The following GARS1 variants were observed in gnomAD, a reference collection of about 807,000 sequenced individuals.
GARS1 encodes the protein glycine--tRNA ligase.
Under a neutral mutation model 86.4 loss-of-function variants are expected in GARS1, and 46 were observed. That is an observed-to-expected ratio of 0.53 (90% CI 0.42 to 0.68). GARS1 has a LOEUF of 0.68. Among genes scored for constraint, GARS1 ranks in the 30% least tolerant of loss-of-function variants. The pLI is 0.00. For missense variants in GARS1, 797 were observed against 915.6 expected, an observed-to-expected ratio of 0.87 and a Z score of 1.67; for synonymous variants, 342 against 329.8, an observed-to-expected ratio of 1.04 and a Z score of -0.40.
rs199594319 is a variant in GARS1 at position 30,624,834 on chromosome 7, TC to T, written c.1614-1399del. 5.1e-3 allele frequency among the ~76,000 whole-genome samples: 783 copies of T among 152,326 alleles called. 5 individuals carry two copies. Among genetic ancestry groups the T allele is most frequent in the Admixed American group, 7.9e-3 (121 of 15,304 alleles). ...AACATCTATTTATACTAAAACAATATCAAATCCCATTAAAATGGACTAAGTT... is the reference window on the plus strand; with the variant it reads ...AACATCTATTTATACTAAAACAATATAAATCCCATTAAAATGGACTAAGTT... On this transcript the variant is annotated intron_variant, in intron 12 of 16. Transcript: ENST00000389266.
chr7:30,600,391 A>C (rs557120678), intron 3 of GARS1, among the ~76,000 whole-genome samples: 1 of 152,212 alleles, frequency 6.6e-6, no homozygotes, highest in African/African-American at 2.4e-5. Context: ...TAACTATACT[A>C]TGCCCCTTCA....
At chr7:30,618,260 T>C (rs1782929741) in intron 10 of GARS1, among the ~76,000 whole-genome samples, 1 of 152,172 alleles carries the variant, frequency 6.6e-6, no homozygotes, top group Admixed American at 6.5e-5. Context: ...AAGGACCAGA[T>C]GGTAAATATT....
At chr7:30,608,512 C>T (rs901705597) in intron 6 of GARS1, among the ~76,000 whole-genome samples, 3 of 152,072 alleles carry the variant, frequency 2.0e-5, no homozygotes, top group Non-Finnish European at 4.4e-5. Flanking sequence ...TTTGTGGATT[C>T]CTCCTAGAAA....
Position 30,621,424 on chromosome 7 carries a change from G to A in GARS1, c.1391G>A (p.Arg464His), listed in dbSNP as rs1391219026. 1.2e-6 allele frequency: 2 copies of A among 1,614,014 alleles called. No individual in the cohort carries two copies. Among genetic ancestry groups the A allele is most frequent in the South Asian group, 1.1e-5 (1 of 91,066 alleles). Reference protein sequence around the residue: ...GWIEIVGCADRSCYDLSCHAR... With the variant: ...GWIEIVGCADHSCYDLSCHAR... ...ATTGAGATTGTTGGATGTGCTGATC[G>A]TTCCTGTTATGACCTCTCCTGTCAT... The change falls in exon 11 of 17, where the codon CGT (arginine) becomes CAT (histidine). Residue 464 changes from arginine to histidine, a missense_variant. Transcript: ENST00000389266.
At position 30,599,936 on chromosome 7, in the gene GARS1, ATCTC is replaced by A; in HGVS notation, c.325-9_325-6del. 6.3e-7 allele frequency: 1 copy of A among 1,597,874 alleles called. No homozygotes were observed. Among genetic ancestry groups the A allele is most frequent in the Non-Finnish European group, 8.6e-7 (1 of 1,166,032 alleles). Reference sequence around the variant, plus strand: ...CCTCCACTCACTCACTTTTTATTTAATCTCTAACAGGAGCTGGCGTTACAGCCCA... The same window carrying A: ...CCTCCACTCACTCACTTTTTATTTAATAACAGGAGCTGGCGTTACAGCCCA... On this transcript the variant is annotated splice_polypyrimidine_tract_variant and splice_region_variant and intron_variant, in intron 2 of 16. Coordinates refer to ENST00000389266, the MANE Select transcript of GARS1 (RefSeq NM_002047.4).
intron 12 of GARS1, among the ~76,000 whole-genome samples, chr7:30,625,206 AG>A (rs1247809619): frequency 1.3e-5 from 2 of 152,192 alleles, no homozygotes; most frequent in Non-Finnish European, 2.9e-5. Flanking sequence ...GACCTCCCAA[AG>A]TGCTGGGATT....
rs770924455 is a variant in GARS1, at chr7:30,617,153, C to T, written c.1234C>T (p.Arg412Cys). ...CACAGTATTAGGCTATTTCATTGGC[C>T]GCATCTACCTCTACCTCACGAAGGT... The part of the protein sequence containing the change: ...NNTVLGYFIG[R>C]IYLYLTKVGI... The change falls in exon 10 of 17, where the codon CGC (arginine) becomes TGC (cysteine). Residue 412 changes from arginine (R) to cysteine (C), a missense_variant. By Grantham distance (180) the Arg-to-Cys change is radical. Coordinates refer to ENST00000389266, the MANE Select transcript of GARS1 (RefSeq NM_002047.4). 115 of 1,613,880 alleles carry T rather than the reference C, an allele frequency of 7.1e-5. No homozygotes were observed. The highest frequency in any genetic ancestry group is 9.2e-5 in the Non-Finnish European group (109 of 1,179,962).
chr7:30,603,353 C>T (rs1261190233), intron 5 of GARS1, 143 bp from the exon 6 acceptor site: 7 of 753,846 alleles, frequency 9.3e-6, no homozygotes, highest in African/African-American at 1.7e-5. Context: ...AATACCATGA[C>T]TGCTGTTGTA....
chr7:30,620,744 A>T (rs1353465454), intron 10 of GARS1, among the ~76,000 whole-genome samples: 2 of 152,194 alleles, frequency 1.3e-5, no homozygotes, highest in Non-Finnish European at 1.5e-5. Flanking sequence ...TTGTTCAGTG[A>T]AGAAAGTGAA....
rs1202624108 is a variant in GARS1, at chr7:30,595,165, C to T, written c.222+22C>T. On this transcript the variant is annotated intron_variant, in intron 1 of 16. Transcript: ENST00000389266. ...GCAGGTACCGGTGTTTTGCGCTCTC[C>T]GCTAAGCCTCCGGCTCTCCTCCCAG... 2.6e-6 allele frequency: 4 copies of T among 1,530,156 alleles called. No individual in the cohort carries two copies. In the East Asian group the frequency reaches 7.3e-5, roughly 28 times the overall value. The allele number at this position is 1,530,156 out of a possible 1,614,324, so 94.8% of individuals were successfully genotyped here.
intron 10 of GARS1, among the ~76,000 whole-genome samples, chr7:30,619,132 G>C (rs1478693547): frequency 6.6e-6 from 1 of 152,204 alleles, no homozygotes; most frequent in East Asian, 1.9e-4. Context: ...CAGCCAGTGA[G>C]TGGTGAGGCT....
At chr7:30,617,986 T>C (rs1782922707) in intron 10 of GARS1, among the ~76,000 whole-genome samples, 2 of 152,230 alleles carry the variant, frequency 1.3e-5, no homozygotes, top group Non-Finnish European at 2.9e-5. Context: ...CTCGCCTACA[T>C]AGAAAGAGAC....
chr7:30,594,848 C>T (rs1791202111), upstream of GARS1: 2 of 1,317,858 alleles, frequency 1.5e-6, no homozygotes, highest in South Asian at 1.3e-5. Flanking sequence ...GCGGCGATTT[C>T]ATCATGCTCC....
At chr7:30,630,041 C>G (rs142564522) in intron 14 of GARS1, among the ~76,000 whole-genome samples, 2 of 152,308 alleles carry the variant, frequency 1.3e-5, no homozygotes, top group Non-Finnish European at 2.9e-5. Context: ...GAATTCCCAT[C>G]ATGAAGAGAA....
intron 6 of GARS1, among the ~76,000 whole-genome samples, chr7:30,604,674 C>G: frequency 6.6e-6 from 1 of 151,890 alleles, no homozygotes; most frequent in African/African-American, 2.4e-5. Context: ...TAATTTTATC[C>G]CTTGCTTGAA....
chr7:30,615,717 T>A (rs1376105080), intron 8 of GARS1, among the ~76,000 whole-genome samples, 179 bp from the exon 9 acceptor site: 1 of 152,166 alleles, frequency 6.6e-6, no homozygotes, highest in Non-Finnish European at 1.5e-5. Flanking sequence ...CCAGACAAAT[T>A]TAATTCAAAA....
chr7:30,604,985 T>G (rs1791454034), intron 6 of GARS1, among the ~76,000 whole-genome samples: 1 of 152,254 alleles, frequency 6.6e-6, no homozygotes, highest in African/African-American at 2.4e-5. Flanking sequence ...TCTCTCTTAT[T>G]TCAGATCTGT....
intron 10 of GARS1, among the ~76,000 whole-genome samples, chr7:30,620,355 CCTTG>C (rs1782979969): frequency 6.6e-6 from 1 of 152,096 alleles, no homozygotes; most frequent in South Asian, 2.1e-4. Context: ...ATCGTCTGAT[CCTTG>C]TGAGGGCCCC....
At position 30,605,917 on chromosome 7, in the gene GARS1, A is replaced by C. The variant is rs183771807; in HGVS notation, c.735+2345A>C. ...TAAAATTTGAATTGGGATCCAGATA[A>C]AGTCTATACTTTGTGATAGGTTGAT... On this transcript the variant is annotated intron_variant, in intron 6 of 16. Coordinates refer to ENST00000389266, the MANE Select transcript of GARS1 (RefSeq NM_002047.4). 1.2e-3 allele frequency among the ~76,000 whole-genome samples: 190 copies of C among 152,268 alleles called. 1 individual carries two copies. The highest frequency in any genetic ancestry group is 2.1e-3 in the Non-Finnish European group (145 of 68,006).
Sources: gnomAD v4.1 joint callset for allele counts (sites outside exome capture counted in the v4.1 genomes callset) on GRCh38, gnomAD v4.1.1 for gene constraint, MANE v1.5 for transcripts, NCBI Gene and HGNC (gene_info 2026-07-23, HGNC 2026-07-21) for gene names.